TEX11: variants seen among roughly 807,000 people sequenced by gnomAD.
The protein encoded by TEX11 is testis-expressed protein 11.
TEX11 carries 7 observed loss-of-function variants against 84.4 expected under a neutral mutation model. The observed-to-expected ratio is 0.08, with a 90% CI of 0.05 to 0.16. The LOEUF (loss-of-function observed/expected upper bound fraction) is 0.16. Among genes scored for constraint, TEX11 ranks in the 10% least tolerant of loss-of-function variants. The pLI is 1.00. For missense variants in TEX11, 551 were observed against 660.5 expected, an observed-to-expected ratio of 0.83 and a Z score of 1.82; for synonymous variants, 264 against 222.8, an observed-to-expected ratio of 1.18 and a Z score of -1.64.
At chrX:70,904,557 A>G (rs1048236761) in intron 2 of TEX11, among the ~76,000 whole-genome samples, 1 of 112,293 alleles carries the variant, frequency 8.9e-6, no homozygotes, top group African/African-American at 3.2e-5. Context: ...TATGGGGAAA[A>G]GGGAGTTTGA....
At position 70,670,488 on chromosome X, in the gene TEX11, T is replaced by C; in HGVS notation, c.1269A>G (p.Gln423=). 1 of 1,201,879 alleles carries C rather than the reference T, an allele frequency of 8.3e-7. No homozygotes were observed. The highest frequency in any genetic ancestry group is 1.1e-6 in the Non-Finnish European group (1 of 892,502). ...FEVQNYTDAL[Q]WYYYSLRFYS... is the part of the protein sequence containing the mutation. ...AAAACCTCAGAGAATAATAGTACCA[T>C]TGTAGGGCATCAGTGTAATTTTGTA... Residue 423 remains glutamine (Q), a synonymous_variant, in exon 16 of 30, where the codon CAA becomes CAG. Transcript: ENST00000374333.
chrX:70,678,183 C>CT (rs77644402), intron 15 of TEX11, among the ~76,000 whole-genome samples: 8 of 108,790 alleles, frequency 7.4e-5, no homozygotes, highest in Admixed American at 4.0e-4. Context: ...TCATAAAAGC[C>CT]TTTTTTTTTC....
intron 20 of TEX11, among the ~76,000 whole-genome samples, chrX:70,616,728 T>A (rs1425861364): frequency 9.0e-6 from 1 of 111,711 alleles, no homozygotes; most frequent in African/African-American, 3.3e-5. Flanking sequence ...TTTCAACAAC[T>A]GGGATGGAAC....
In TEX11 at chrX:70,613,624, G is replaced by T. The variant is rs990930337; in HGVS notation, c.1752-3081C>A. On this transcript the variant is annotated intron_variant, in intron 20 of 29. Transcript: ENST00000374333. ...TAAATAAACTTGAAAGACAGTCTAG[G>T]CCACAAGGACTGCAAGTCTTAGTGC... 2.7e-5 allele frequency among the ~76,000 whole-genome samples: 3 copies of T among 111,541 alleles called. No individual in the cohort carries two copies. The Admixed American group carries it at 2.8e-4, about 11-fold the overall frequency.
chrX:70,582,064 A>C (rs896549974), intron 25 of TEX11, among the ~76,000 whole-genome samples: 3 of 111,888 alleles, frequency 2.7e-5, no homozygotes, highest in Non-Finnish European at 3.8e-5. Context: ...AAATATATTT[A>C]TTGATTGAAT....
At chrX:70,678,183 CT>C (rs77644402) in intron 15 of TEX11, among the ~76,000 whole-genome samples, 8,580 of 108,770 alleles carry the variant, frequency 0.079, 438 homozygotes, top group Admixed American at 0.25. Flanking sequence ...TCATAAAAGC[CT>C]TTTTTTTTCT....
chrX:70,757,206 A>G (rs2090873507), intron 9 of TEX11, among the ~76,000 whole-genome samples: 1 of 111,855 alleles, frequency 8.9e-6, no homozygotes, highest in South Asian at 3.7e-4. Flanking sequence ...TCAGGATATT[A>G]TCCAGGAGAC....
At chrX:70,879,859 A>T (rs751786756) in intron 3 of TEX11, 129 bp downstream of exon 3, 2 of 469,243 alleles carry the variant, frequency 4.3e-6, no homozygotes, top group East Asian at 9.6e-5. Flanking sequence ...AGGTGTGAAC[A>T]TCCAAAAATA....
chrX:70,846,726 C>A (rs1416137329), intron 7 of TEX11, among the ~76,000 whole-genome samples: 1 of 111,637 alleles, frequency 9.0e-6, no homozygotes, highest in Non-Finnish European at 1.9e-5. Context: ...GAGTTCAAGG[C>A]CAGCCTGGCC....
chrX:70,547,905 A>C (rs992759266), intron 28 of TEX11, among the ~76,000 whole-genome samples: 12 of 111,963 alleles, frequency 1.1e-4, no homozygotes, highest in African/African-American at 2.0e-4. Context: ...TTGACCCAGC[A>C]ATCCCATTAC....
the TEX11 span, among the ~76,000 whole-genome samples, chrX:70,521,777 T>C: frequency 2.7e-5 from 3 of 111,744 alleles, no homozygotes; most frequent in African/African-American, 9.8e-5. Flanking sequence ...GCCTAAGAAT[T>C]TAAGAGGGCA....
intron 7 of TEX11, among the ~76,000 whole-genome samples, chrX:70,834,675 C>T (rs777769856): frequency 2.0e-4 from 22 of 107,857 alleles, no homozygotes; most frequent in Non-Finnish European, 3.8e-4. Flanking sequence ...TGGGCACCTG[C>T]AATCCAGCTA....
At chrX:70,859,215 A>G (rs1427526965) in intron 5 of TEX11, among the ~76,000 whole-genome samples, 1 of 109,721 alleles carries the variant, frequency 9.1e-6, no homozygotes, top group Non-Finnish European at 1.9e-5. Context: ...TTTTTACATA[A>G]TAAAATATTT....
intron 13 of TEX11, among the ~76,000 whole-genome samples, chrX:70,701,774 A>G (rs187812625): frequency 8.9e-6 from 1 of 111,985 alleles, no homozygotes; most frequent in Non-Finnish European, 1.9e-5. Context: ...TCAAAATATC[A>G]ACATTTAACA....
At chrX:70,660,183 T>C (rs1283727592) in intron 16 of TEX11, among the ~76,000 whole-genome samples, 1 of 111,872 alleles carries the variant, frequency 8.9e-6, no homozygotes, top group Non-Finnish European at 1.9e-5. Flanking sequence ...GAAGTTGCTC[T>C]GGGTAGTCAG....
intron 17 of TEX11, among the ~76,000 whole-genome samples, chrX:70,639,336 TG>T: frequency 9.0e-6 from 1 of 111,483 alleles, no homozygotes; most frequent in Non-Finnish European, 1.9e-5. Flanking sequence ...GCAGTGAGGC[TG>T]GGGGAGGGGC....
At chrX:70,706,832 CAATT>C (rs1259662878) in intron 13 of TEX11, among the ~76,000 whole-genome samples, 4 of 110,881 alleles carry the variant, frequency 3.6e-5, no homozygotes, top group East Asian at 2.8e-4. Context: ...TACAACAACT[CAATT>C]AATCTCCCTA....
intron 25 of TEX11, among the ~76,000 whole-genome samples, chrX:70,582,336 C>T (rs768995899): frequency 9.0e-6 from 1 of 111,721 alleles, no homozygotes; most frequent in Admixed American, 9.5e-5. Flanking sequence ...CAGTTTGTTC[C>T]AGAACATCAA....
At chrX:70,782,546 C>A (rs1333463946) in intron 9 of TEX11, among the ~76,000 whole-genome samples, 1 of 104,380 alleles carries the variant, frequency 9.6e-6, no homozygotes, top group African/African-American at 3.5e-5. Flanking sequence ...GAGTCAAGAC[C>A]CATCAGTGTG....
Sources: gnomAD v4.1 joint callset for allele counts (sites outside exome capture counted in the v4.1 genomes callset) on GRCh38, gnomAD v4.1.1 for gene constraint, MANE v1.5 for transcripts, NCBI Gene and HGNC (gene_info 2026-07-23, HGNC 2026-07-21) for gene names.